The following RP1 variants were observed in gnomAD, a reference collection of about 807,000 sequenced individuals.
The protein encoded by RP1 is oxygen-regulated protein 1.
In RP1, 16 loss-of-function variants were observed where a neutral mutation model predicts 14.8. The ratio of observed to expected loss-of-function variants is 1.08; its 90% CI spans 0.73 to 1.65. RP1 has a LOEUF of 1.65. Among genes scored for constraint, RP1 ranks in the 40% most tolerant of loss-of-function variants. The pLI, the probability that RP1 is intolerant of heterozygous loss-of-function variation, is 0.00. For synonymous variants in RP1, 876 were observed against 883.6 expected (o/e 0.99, Z 0.15); for missense variants, 2,631 against 2,535.0 (o/e 1.04, Z -0.81).
At chr8:54,699,582 A>G (rs1256345768) in intron 13 of RP1, 2 of 1,316,914 alleles carry the variant, frequency 1.5e-6, no homozygotes, top group Non-Finnish European at 9.9e-7. Flanking sequence ...TGTGTAGTAA[A>G]TTTTCTTTTT....
In RP1 at chr8:54,626,876, C is replaced by T; in HGVS notation, c.2994C>T (p.Asp998=). ...KEGDKSFIAN[D]TGEEDLHETQ... is the part of the protein sequence containing the mutation. ...GAGATAAGTCTTTTATTGCCAATGA[C>T]ACTGGTGAAGAAGATCTCCATGAGA... Residue 998 remains aspartate (D), a synonymous_variant, in exon 4 of 4, where the codon GAC becomes GAT. Coordinates refer to ENST00000220676, the MANE Select transcript of RP1 (RefSeq NM_006269.2). The T allele has an allele frequency of 1.2e-6, 2 of 1,613,734 alleles. No individual in the cohort carries two copies. Among genetic ancestry groups the T allele is most frequent in the Non-Finnish European group, 1.7e-6 (2 of 1,179,948 alleles).
chr8:54,582,116 T>C (rs942569560), intron 1 of RP1, among the ~76,000 whole-genome samples: 2 of 152,238 alleles, frequency 1.3e-5, no homozygotes, highest in African/African-American at 4.8e-5. Context: ...GGTTTTCTTC[T>C]ACGGTTTTTA....
intron 12 of RP1, among the ~76,000 whole-genome samples, chr8:54,689,242 A>G (rs1320857236): frequency 2.6e-5 from 4 of 152,124 alleles, no homozygotes; most frequent in East Asian, 1.9e-4. Context: ...TAAATATACA[A>G]TCATGTCATC....
At chr8:54,867,224 AAT>A (rs1326486237) in intron 28 of RP1, among the ~76,000 whole-genome samples, 5 of 152,294 alleles carry the variant, frequency 3.3e-5, no homozygotes, top group South Asian at 2.1e-4. Context: ...GATTCTAGGA[AAT>A]AGTCATTCCT....
chr8:54,640,521 T>A (rs955049367), intron 3 of RP1, among the ~76,000 whole-genome samples: 1 of 152,196 alleles, frequency 6.6e-6, no homozygotes, highest in Non-Finnish European at 1.5e-5. Flanking sequence ...AGCTTGGAAC[T>A]TCCCCCTGCT....
rs537000050 is a variant in RP1 at position 54,812,286 on chromosome 8, A to G, written c.3616-25164A>G. Among the ~76,000 whole-genome samples, 156 of 152,272 alleles carry G rather than the reference A, an allele frequency of 1.0e-3. 1 individual carries two copies. Among genetic ancestry groups the G allele is most frequent in the African/African-American group, 3.7e-3 (155 of 41,572 alleles). On this transcript the variant is annotated intron_variant, in intron 24 of 28. Coordinates refer to the RP1 transcript ENST00000637698. The stretch of plus-strand genomic sequence containing the variant: ...CTTCCGAGTAGCTGGCATTACAGGC[A>G]TACGCCATCATGCCTGGCTGATTTT...
intron 17 of RP1, among the ~76,000 whole-genome samples, chr8:54,733,730 A>T (rs906350516): frequency 2.6e-5 from 4 of 152,178 alleles, no homozygotes; most frequent in Non-Finnish European, 5.9e-5. Flanking sequence ...ATCAGTTAAG[A>T]ATTAAAGTGC....
intron 26 of RP1, among the ~76,000 whole-genome samples, chr8:54,853,500 G>C (rs1399095545): frequency 6.6e-6 from 1 of 152,190 alleles, no homozygotes; most frequent in Admixed American, 6.5e-5. Context: ...TTGGGGGACA[G>C]AACTCATGTC....
intron 25 of RP1, among the ~76,000 whole-genome samples, chr8:54,843,176 C>T (rs541354609): frequency 1.3e-5 from 2 of 152,186 alleles, no homozygotes; most frequent in South Asian, 2.1e-4. Context: ...GCTGGGACTA[C>T]AGGCGTGCAC....
At chr8:54,811,055 G>T (rs1371055233) in intron 24 of RP1, among the ~76,000 whole-genome samples, 3 of 152,150 alleles carry the variant, frequency 2.0e-5, no homozygotes, top group Non-Finnish European at 4.4e-5. Flanking sequence ...GTTGTTTCTA[G>T]GTCTTTTGCT....
intron 15 of RP1, among the ~76,000 whole-genome samples, chr8:54,707,591 T>A (rs1808181358): frequency 1.3e-5 from 2 of 152,248 alleles, no homozygotes; most frequent in Admixed American, 1.3e-4. Context: ...TAGTTTAGTT[T>A]AAATTAGATC....
chr8:54,673,937 C>G, intron 8 of RP1: 1 of 1,530,476 alleles, frequency 6.5e-7, no homozygotes. Context: ...AGGTAAGACT[C>G]TTCCACAGAG....
intron 12 of RP1, chr8:54,696,747 G>A: frequency 1.4e-6 from 1 of 724,536 alleles, no homozygotes; most frequent in South Asian, 1.4e-5. Flanking sequence ...AAAATGTTTA[G>A]TGGTGTCTTG....
chr8:54,720,038 G>C (rs905092606), intron 15 of RP1: 2 of 1,085,382 alleles, frequency 1.8e-6, no homozygotes, highest in Non-Finnish European at 2.5e-6. Context: ...TTCGAAACGA[G>C]ACAAAATTAT....
intron 1 of RP1, among the ~76,000 whole-genome samples, chr8:54,602,182 C>T (rs1179324640): frequency 1.3e-5 from 2 of 152,166 alleles, no homozygotes; most frequent in Non-Finnish European, 2.9e-5. Context: ...GCTATCCCTC[C>T]CCTCTTCCCC....
chr8:54,640,050 G>A (rs1279288532), intron 3 of RP1, among the ~76,000 whole-genome samples: 5 of 148,962 alleles, frequency 3.4e-5, no homozygotes, highest in African/African-American at 1.2e-4. Flanking sequence ...TTTCTCCTGT[G>A]TTTTCTTTTA....
chr8:54,781,462 A>AT (rs1030264206), intron 23 of RP1, among the ~76,000 whole-genome samples: 1 of 152,148 alleles, frequency 6.6e-6, no homozygotes, highest in Non-Finnish European at 1.5e-5. Flanking sequence ...TATTCTTTTG[A>AT]TTTTTTTGGC....
At chr8:54,815,132 G>A (rs1477984331) in intron 24 of RP1, among the ~76,000 whole-genome samples, 1 of 152,188 alleles carries the variant, frequency 6.6e-6, no homozygotes, top group Non-Finnish European at 1.5e-5. Context: ...CTTAGTCATA[G>A]AAAAATTGGT....
At chr8:54,784,017 T>C (rs1415444575) in intron 24 of RP1, among the ~76,000 whole-genome samples, 1 of 152,190 alleles carries the variant, frequency 6.6e-6, no homozygotes, top group Non-Finnish European at 1.5e-5. Context: ...AGCATTTCCA[T>C]TTTTGAACAT....
Sources: gnomAD v4.1 joint callset for allele counts (sites outside exome capture counted in the v4.1 genomes callset) on GRCh38, gnomAD v4.1.1 for gene constraint, MANE v1.5 for transcripts, NCBI Gene and HGNC (gene_info 2026-07-23, HGNC 2026-07-21) for gene names.